Variants in ATP11C observed in about 807,000 individuals in gnomAD.
ATP11C encodes the protein phospholipid-transporting ATPase IG.
ATP11C carries 36 observed loss-of-function variants against 97.4 expected under a neutral mutation model. That is an observed-to-expected ratio of 0.37 (90% CI 0.28 to 0.49). The LOEUF is 0.49. Ranked by LOEUF, ATP11C falls within the 20% of genes least tolerant of loss-of-function variation. The pLI is 0.98. For missense variants in ATP11C, 730 were observed against 824.6 expected (o/e 0.89, Z 1.40); for synonymous variants, 275 against 290.9 (o/e 0.95, Z 0.56).
chrX:139,933,775 C>T (rs2085488644), upstream of ATP11C, among the ~76,000 whole-genome samples: 1 of 112,071 alleles, frequency 8.9e-6, no homozygotes, highest in South Asian at 3.7e-4. Flanking sequence ...CTTTACCCTC[C>T]GGAGTTCGGA....
chrX:139,896,576 C>G (rs2084809811), intron 1 of ATP11C, among the ~76,000 whole-genome samples: 1 of 107,113 alleles, frequency 9.3e-6, no homozygotes, highest in Non-Finnish European at 1.9e-5. Flanking sequence ...CACACACACA[C>G]ACACACACAC....
At chrX:139,887,340 A>C (rs946384020) in intron 1 of ATP11C, among the ~76,000 whole-genome samples, 3 of 111,969 alleles carry the variant, frequency 2.7e-5, no homozygotes, top group Non-Finnish European at 5.6e-5. Flanking sequence ...CATAAAAGAA[A>C]ATATTGAGGC....
intron 1 of ATP11C, among the ~76,000 whole-genome samples, chrX:139,868,522 T>A (rs1427441657): frequency 1.9e-5 from 2 of 105,105 alleles, no homozygotes; most frequent in Non-Finnish European, 3.9e-5. Flanking sequence ...TCAAGACCAG[T>A]CTGACCAATA....
chrX:139,921,943 G>A (rs1249139150), intron 1 of ATP11C, among the ~76,000 whole-genome samples: 1 of 109,742 alleles, frequency 9.1e-6, no homozygotes, highest in Non-Finnish European at 1.9e-5. Context: ...GGCAGCTCAC[G>A]CCAGTAATCC....
intron 1 of ATP11C, among the ~76,000 whole-genome samples, chrX:139,863,139 A>G (rs2084230018): frequency 8.9e-6 from 1 of 112,296 alleles, no homozygotes; most frequent in African/African-American, 3.2e-5. Flanking sequence ...AAAGAATTCT[A>G]TGTTACCTGA....
chrX:139,763,458 G>T (rs751535285), intron 20 of ATP11C, 40 bp from the exon 21 acceptor site: 1 of 1,053,447 alleles, frequency 9.5e-7, no homozygotes, highest in East Asian at 3.1e-5. Context: ...AAAGGTCAAA[G>T]AAGAATGTAA....
rs1347632211 is a variant in ATP11C at position 139,774,970 on chromosome X, A to AAC, written c.1953-19_1953-18dup. On this transcript the variant is annotated splice_polypyrimidine_tract_variant and intron_variant, in intron 18 of 29. Transcript: ENST00000682941. ...TCTTGTAGCCTGGGAACACAAAAGA[A>AAC]ACCTTGTGATCTTCTAAAACTCCTG... 8.4e-7 allele frequency: 1 copy of AAC among 1,185,672 alleles called. No homozygotes were observed. Among genetic ancestry groups the AAC allele is most frequent in the Admixed American group, 2.4e-5 (1 of 41,780 alleles).
chrX:139,866,710 C>A (rs1231871871), intron 1 of ATP11C, among the ~76,000 whole-genome samples: 2 of 109,511 alleles, frequency 1.8e-5, no homozygotes, highest in African/African-American at 3.4e-5. Context: ...CAGAAGAAGA[C>A]CCTGTTTCAA....
In ATP11C at chrX:139,745,814, A is replaced by G. The variant is rs746593846; in HGVS notation, c.2872T>C (p.Tyr958His). 34 of 1,205,514 alleles carry G rather than the reference A, an allele frequency of 2.8e-5. No individual in the cohort carries two copies. The Middle Eastern group carries it at 1.2e-3, about 41-fold the overall frequency. The change falls in exon 25 of 30, where the codon TAT becomes CAT. Residue 958 changes from tyrosine to histidine, a missense_variant. Transcript: ENST00000682941. ...TCAAAGGCAGCCAGAAATGTCCAAT[A>G]TAAGAAGGGGCCCAACTGTAGCATG... ...NAMLQLGPFL[Y>H]WTFLAAFEGT...
chrX:139,810,010 T>C (rs2491011), intron 5 of ATP11C, among the ~76,000 whole-genome samples: 6,643 of 111,382 alleles, frequency 0.06, 490 homozygotes, highest in African/African-American at 0.2. Flanking sequence ...TATATTTTAT[T>C]ACCAAAAAAG....
chrX:139,852,662 T>C (rs180734065), intron 1 of ATP11C, among the ~76,000 whole-genome samples: 2 of 109,741 alleles, frequency 1.8e-5, no homozygotes, highest in Non-Finnish European at 3.8e-5. Flanking sequence ...GTTGTGTGGA[T>C]GGTGACAAGT....
chrX:139,883,688 AC>A (rs1234340502), intron 1 of ATP11C, among the ~76,000 whole-genome samples: 1 of 111,460 alleles, frequency 9.0e-6, no homozygotes, highest in African/African-American at 3.3e-5. Flanking sequence ...AAAATGATGT[AC>A]AAAGTAAGGT....
chrX:139,919,369 C>A lies in ATP11C; in HGVS notation c.27+12647G>T, dbSNP rs764494807. Reference sequence around the variant, plus strand: ...CCTGTAATCCCAGCTACTCAGGAGGCTGAGAAGAGAATGGCTTGAACCCGG... The same window carrying A: ...CCTGTAATCCCAGCTACTCAGGAGGATGAGAAGAGAATGGCTTGAACCCGG... On this transcript the variant is annotated intron_variant, in intron 1 of 29. Transcript: ENST00000682941. Among the ~76,000 whole-genome samples the A allele has an allele frequency of 6.6e-5, 7 of 106,732 alleles. No homozygotes were observed. The South Asian group carries it at 1.7e-3, about 26-fold the overall frequency. 92.7% of individuals were successfully genotyped at this position (106,732 alleles called of 115,157 possible).
intron 1 of ATP11C, among the ~76,000 whole-genome samples, chrX:139,857,214 T>G (rs1014310121): frequency 2.7e-5 from 3 of 111,427 alleles, no homozygotes; most frequent in African/African-American, 9.8e-5. Context: ...CTCCCTTAAC[T>G]ATCCTCCACC....
chrX:139,837,768 C>T (rs1185430405), intron 1 of ATP11C, among the ~76,000 whole-genome samples: 2 of 112,069 alleles, frequency 1.8e-5, no homozygotes, highest in Non-Finnish European at 3.8e-5. Context: ...CTGATTACTT[C>T]AGATGGACAG....
At chrX:139,841,708 C>T (rs73579601) in intron 1 of ATP11C, among the ~76,000 whole-genome samples, 6,489 of 112,015 alleles carry the variant, frequency 0.058, 440 homozygotes, top group African/African-American at 0.2. Context: ...ATATTTCAAT[C>T]ACAAAAATTG....
At chrX:139,870,779 A>G (rs5954921) in intron 1 of ATP11C, among the ~76,000 whole-genome samples, 20,545 of 111,677 alleles carry the variant, frequency 0.18, 3,132 homozygotes, top group African/African-American at 0.5. Flanking sequence ...ACACGCGGCC[A>G]GGCGCGGTGG....
rs142501491 is a variant in ATP11C at position 139,788,741 on chromosome X, T to C, written c.1369-398A>G. On this transcript the variant is annotated intron_variant, in intron 13 of 29. Coordinates refer to ENST00000682941, the MANE Select transcript of ATP11C (RefSeq NM_001353812.2). ...TAATCATTTGAACAGACATCATTCT[T>C]GGAGGAGCTTACATTTTAAAAGACA... Among the ~76,000 whole-genome samples the C allele has an allele frequency of 3.7e-3, 420 of 112,251 alleles. 2 individuals carry two copies. Among genetic ancestry groups the C allele is most frequent in the African/African-American group, 0.013 (392 of 30,902 alleles).
intron 1 of ATP11C, among the ~76,000 whole-genome samples, chrX:139,920,871 G>A (rs2085248708): frequency 8.9e-6 from 1 of 111,795 alleles, no homozygotes; most frequent in Non-Finnish European, 1.9e-5. Flanking sequence ...AATTGCAAAG[G>A]TCCAGGTAAA....
Sources: gnomAD v4.1 joint callset for allele counts (sites outside exome capture counted in the v4.1 genomes callset) on GRCh38, gnomAD v4.1.1 for gene constraint, MANE v1.5 for transcripts, NCBI Gene and HGNC (gene_info 2026-07-23, HGNC 2026-07-21) for gene names.